The following KCNC1 variants were observed in gnomAD, a reference collection of about 807,000 sequenced individuals.
The protein encoded by KCNC1 is voltage-gated potassium channel KCNC1.
A neutral mutation model predicts 43.4 loss-of-function variants in KCNC1; 8 were observed. That is an observed-to-expected ratio of 0.18 (90% CI 0.11 to 0.33). The LOEUF (loss-of-function observed/expected upper bound fraction) is 0.33. Among genes scored for constraint, KCNC1 ranks in the 10% least tolerant of loss-of-function variants. The pLI is 1.00. For synonymous variants in KCNC1, 361 were observed against 360.5 expected (o/e 1.00, Z -0.01); for missense variants, 420 against 836.0 (o/e 0.50, Z 6.14).
At chr11:17,747,736 T>A (rs893533169) in intron 1 of KCNC1, among the ~76,000 whole-genome samples, 5 of 152,196 alleles carry the variant, frequency 3.3e-5, no homozygotes, top group Non-Finnish European at 5.9e-5. Flanking sequence ...TGCCTCAGTG[T>A]GAGCCATGGC....
intron 1 of KCNC1, among the ~76,000 whole-genome samples, chr11:17,745,235 T>A (rs992474918): frequency 4.6e-5 from 7 of 152,052 alleles, no homozygotes; most frequent in African/African-American, 1.7e-4. Flanking sequence ...AGCAAGCCGC[T>A]CCTTCCTGAG....
In KCNC1 at chr11:17,772,502, A is replaced by G; in HGVS notation, c.1408A>G (p.Asn470Asp). The change falls in exon 2 of 4, where the codon AAT becomes GAT. Residue 470 changes from asparagine (N) to aspartate (D), a missense_variant. Physicochemically the swap from Asn to Asp is conservative, Grantham distance 23. Around this residue, in one of 5 missense-constraint regions of KCNC1, gnomAD observed 147 missense variants for 176.1 expected, o/e 0.83. Transcript: ENST00000265969. ...IPRPPQLGSP[N>D]YCKSVVNSPH... is the part of the protein sequence containing the mutation. ...GCGGCCACCGCAGCTGGGATCTCCC[A>G]ATTATTGTAAATCTGTCGTAAACTC... The G allele has an allele frequency of 1.2e-6, 2 of 1,614,190 alleles. No individual in the cohort carries two copies. The highest frequency in any genetic ancestry group is 1.7e-6 in the Non-Finnish European group (2 of 1,180,028).
In KCNC1 at chr11:17,779,997, A is replaced by C; in HGVS notation, c.1693+353A>C. On this transcript the variant is annotated intron_variant, in intron 3 of 3. Coordinates refer to ENST00000265969, the MANE Select transcript of KCNC1 (RefSeq NM_001112741.2). The surrounding 1 kb of genome is among the most constrained non-coding windows in gnomAD (Gnocchi z 7.2). ...CTTGCAGATGGCAGGTCAAGTCCCAAAGGCAAAGTGATCTCTCCTCTCCCC... is the reference window on the plus strand; with the variant it reads ...CTTGCAGATGGCAGGTCAAGTCCCACAGGCAAAGTGATCTCTCCTCTCCCC... The C allele has an allele frequency of 5.3e-6, 1 of 187,844 alleles. No individual in the cohort carries two copies. Among genetic ancestry groups the C allele is most frequent in the Non-Finnish European group, 1.1e-5 (1 of 91,562 alleles). The allele number at this position is 187,844 out of a possible 1,614,324, so 11.6% of individuals were successfully genotyped here.
Position 17,773,476 on chromosome 11 carries a change from C to A in KCNC1, c.1504+878C>A. Reference sequence around the variant, plus strand: ...AACAGCCTCCCACCGAGGGTTCTCCCCGTTTCCAGCGGTAGGGACTGCAGC... The same window carrying A: ...AACAGCCTCCCACCGAGGGTTCTCCACGTTTCCAGCGGTAGGGACTGCAGC... On this transcript the variant is annotated intron_variant, in intron 2 of 3. Transcript: ENST00000265969. This position sits in a 1 kb window ranked among gnomAD's most constrained non-coding sequence, Gnocchi z 4.1. 1 of 985,048 alleles carries A rather than the reference C, an allele frequency of 1.0e-6. No homozygotes were observed. Among genetic ancestry groups the A allele is most frequent in the Non-Finnish European group, 1.2e-6 (1 of 829,904 alleles). 61.0% of individuals were successfully genotyped at this position (985,048 alleles called of 1,614,324 possible).
Position 17,773,473 on chromosome 11 carries a change from T to A in KCNC1, c.1504+875T>A. The stretch of plus-strand genomic sequence containing the variant: ...AGCAACAGCCTCCCACCGAGGGTTC[T>A]CCCCGTTTCCAGCGGTAGGGACTGC... On this transcript the variant is annotated intron_variant, in intron 2 of 3. Transcript: ENST00000265969. This position sits in a 1 kb window ranked among gnomAD's most constrained non-coding sequence, Gnocchi z 4.1. 7 of 982,494 alleles carry A rather than the reference T, an allele frequency of 7.1e-6. No homozygotes were observed. Among genetic ancestry groups the A allele is most frequent in the Non-Finnish European group, 8.4e-6 (7 of 829,560 alleles). 60.9% of individuals were successfully genotyped at this position (982,494 alleles called of 1,614,324 possible). A position where few individuals can be genotyped will look rare whatever the true frequency, so the allele number is the denominator to read the frequency against.
chr11:17,776,173 G>C lies in KCNC1; in HGVS notation c.1505-3283G>C. 1.0e-6 allele frequency: 1 copy of C among 985,398 alleles called. No homozygotes were observed. Among genetic ancestry groups the C allele is most frequent in the Non-Finnish European group, 1.2e-6 (1 of 829,960 alleles). 61.0% of individuals were successfully genotyped at this position (985,398 alleles called of 1,614,324 possible). A position where few individuals can be genotyped will look rare whatever the true frequency, so the allele number is the denominator to read the frequency against. ...GCCAGGCATGGGTGTTCTTTTCCGTGTTGTTCACATTTTCTCTCTTTCTCT... is the reference window on the plus strand; with the variant it reads ...GCCAGGCATGGGTGTTCTTTTCCGTCTTGTTCACATTTTCTCTCTTTCTCT... On this transcript the variant is annotated intron_variant, in intron 2 of 3. Coordinates refer to ENST00000265969, the MANE Select transcript of KCNC1 (RefSeq NM_001112741.2). The surrounding 1 kb of genome is among the most constrained non-coding windows in gnomAD (Gnocchi z 4.4).
At position 17,756,356 on chromosome 11, in the gene KCNC1, C is replaced by A. The variant is rs911040568; in HGVS notation, c.571-15309C>A. On this transcript the variant is annotated intron_variant, in intron 1 of 3. Transcript: ENST00000265969. The stretch of plus-strand genomic sequence containing the variant: ...ATGTCCCCCTCTCCTACTCCTCCCC[C>A]AAGAAGCTGTGGCTGTTTTTGCTCA... 2.6e-5 allele frequency among the ~76,000 whole-genome samples: 4 copies of A among 152,100 alleles called. 1 individual carries two copies. The highest frequency in any genetic ancestry group is 9.7e-5 in the African/African-American group (4 of 41,394).
At position 17,776,683 on chromosome 11, in the gene KCNC1, C is replaced by T; in HGVS notation, c.1505-2773C>T. On this transcript the variant is annotated intron_variant, in intron 2 of 3. Coordinates refer to ENST00000265969, the MANE Select transcript of KCNC1 (RefSeq NM_001112741.2). This position sits in a 1 kb window ranked among gnomAD's most constrained non-coding sequence, Gnocchi z 4.4. ...GGCTGGGGGAGGCAGGGCCCCCAGC[C>T]TCTGGAAAGCAGGTGGGAATGGAGG... is the stretch of plus-strand genomic sequence containing the variant. The T allele has an allele frequency of 1.0e-6, 1 of 985,202 alleles. No homozygotes were observed. Among genetic ancestry groups the T allele is most frequent in the Non-Finnish European group, 1.2e-6 (1 of 829,872 alleles). 61.0% of individuals were successfully genotyped at this position (985,202 alleles called of 1,614,324 possible).
chr11:17,772,752 A>G, intron 2 of KCNC1, 154 bp downstream of exon 2: 1 of 1,492,062 alleles, frequency 6.7e-7, no homozygotes, highest in Non-Finnish European at 8.9e-7. Context: ...GCCCAGGGAG[A>G]TGCTGGGCGG....
At chr11:17,746,447 G>A (rs912513302) in intron 1 of KCNC1, among the ~76,000 whole-genome samples, 2 of 152,168 alleles carry the variant, frequency 1.3e-5, no homozygotes, top group Admixed American at 6.5e-5. Context: ...CCCGACCCCC[G>A]AGTCTGACTT....
chr11:17,779,264 G>T lies in KCNC1; in HGVS notation c.1505-192G>T. On this transcript the variant is annotated intron_variant, in intron 2 of 3. Transcript: ENST00000265969. This position sits in a 1 kb window ranked among gnomAD's most constrained non-coding sequence, Gnocchi z 7.2. ...TCCCAGCACTGTGGGCAGCCCGAAG[G>T]CTGCCTGAATGAGCTGAACCCCCCA... 1.8e-6 allele frequency: 1 copy of T among 545,970 alleles called. No individual in the cohort carries two copies. Among genetic ancestry groups the T allele is most frequent in the South Asian group, 2.7e-5 (1 of 37,422 alleles). The allele number at this position is 545,970 out of a possible 1,614,324, so 33.8% of individuals were successfully genotyped here.
chr11:17,774,462 G>C, intron 2 of KCNC1: 1 of 985,512 alleles, frequency 1.0e-6, no homozygotes, highest in African/African-American at 1.7e-5. Flanking sequence ...TCTCCAGGCA[G>C]GCCCAGATTC....
chr11:17,757,779 CAT>C (rs1319339554), intron 1 of KCNC1, among the ~76,000 whole-genome samples: 6 of 152,268 alleles, frequency 3.9e-5, no homozygotes, highest in Admixed American at 2.6e-4. Flanking sequence ...TAAAAATGTA[CAT>C]ATCTTAATTT....
rs1590108638 is a variant in KCNC1, at chr11:17,776,600, C to G, written c.1505-2856C>G. The G allele has an allele frequency of 2.0e-6, 2 of 985,446 alleles. No homozygotes were observed. Among genetic ancestry groups the G allele is most frequent in the East Asian group, 2.3e-4 (2 of 8,800 alleles). The allele number at this position is 985,446 out of a possible 1,614,324, so 61.0% of individuals were successfully genotyped here. A position where few individuals can be genotyped will look rare whatever the true frequency, so the allele number is the denominator to read the frequency against. ...CTGGAAACCATCTCTGAGACGCTGC[C>G]CATGCTGCCATTTCATCACTGCAGG... On this transcript the variant is annotated intron_variant, in intron 2 of 3. Transcript: ENST00000265969. The surrounding 1 kb of genome is among the most constrained non-coding windows in gnomAD (Gnocchi z 4.4).
intron 1 of KCNC1, among the ~76,000 whole-genome samples, chr11:17,760,521 G>A (rs1214036268): frequency 6.6e-4 from 100 of 152,258 alleles, no homozygotes; most frequent in Non-Finnish European, 1.5e-5. Flanking sequence ...GTCCTTCTGG[G>A]GACTAACATT....
chr11:17,779,328 T>C lies in KCNC1; in HGVS notation c.1505-128T>C, dbSNP rs1269022340. ...CTTGTGCCCTCCTCGCTCCACAGCC[T>C]GCCCGCTTTTCCGTCCTCAGGGACG... On this transcript the variant is annotated intron_variant, in intron 2 of 3. Transcript: ENST00000265969. This position sits in a 1 kb window ranked among gnomAD's most constrained non-coding sequence, Gnocchi z 7.2. 2.8e-6 allele frequency: 2 copies of C among 725,828 alleles called. No individual in the cohort carries two copies. Among genetic ancestry groups the C allele is most frequent in the Admixed American group, 3.4e-5 (1 of 29,498 alleles). 45.0% of individuals were successfully genotyped at this position (725,828 alleles called of 1,614,324 possible).
intron 3 of KCNC1, chr11:17,780,953 G>A (rs564841945): frequency 6.6e-6 from 1 of 152,450 alleles, no homozygotes; most frequent in African/African-American, 2.4e-5. Context: ...CACCGGCCAT[G>A]GATGGGCCTG....
At chr11:17,770,271 C>T (rs1249813786) in intron 1 of KCNC1, among the ~76,000 whole-genome samples, 8 of 152,258 alleles carry the variant, frequency 5.3e-5, no homozygotes, top group Non-Finnish European at 8.8e-5. Context: ...AAAGGTGTCA[C>T]GCCTTGCAGA....
chr11:17,773,517 C>T lies in KCNC1; in HGVS notation c.1504+919C>T, dbSNP rs1167156796. On this transcript the variant is annotated intron_variant, in intron 2 of 3. Coordinates refer to ENST00000265969, the MANE Select transcript of KCNC1 (RefSeq NM_001112741.2). The surrounding 1 kb of genome is among the most constrained non-coding windows in gnomAD (Gnocchi z 4.1). The stretch of plus-strand genomic sequence containing the variant: ...GGACTGCAGCAGCAATATAGACATC[C>T]CAACCAGTGTACAACCACTTTCCCG... The T allele has an allele frequency of 2.0e-6, 2 of 984,268 alleles. No homozygotes were observed. Among genetic ancestry groups the T allele is most frequent in the Admixed American group, 6.2e-5 (1 of 16,152 alleles). The allele number at this position is 984,268 out of a possible 1,614,324, so 61.0% of individuals were successfully genotyped here. A position where few individuals can be genotyped will look rare whatever the true frequency, so the allele number is the denominator to read the frequency against.
Sources: gnomAD v4.1 joint callset for allele counts (sites outside exome capture counted in the v4.1 genomes callset) on GRCh38, gnomAD v4.1.1 for gene constraint, gnomAD v4.1.1 regional missense constraint, Gnocchi (gnomAD v3.1) non-coding constraint, MANE v1.5 for transcripts, NCBI Gene and HGNC (gene_info 2026-07-23, HGNC 2026-07-21) for gene names.